MRPL55: variants seen among roughly 807,000 people sequenced by gnomAD.
The protein encoded by MRPL55 is mitochondrial ribosomal protein L55.
A neutral mutation model predicts 10.6 loss-of-function variants in MRPL55; 7 were observed. The observed-to-expected ratio is 0.66, with a 90% CI of 0.38 to 1.24. The LOEUF (loss-of-function observed/expected upper bound fraction) is 1.24, where lower values mean the gene tolerates loss of function less well. Among genes scored for constraint, MRPL55 ranks in the 50% most tolerant of loss-of-function variants. MRPL55 has a pLI of 0.02. For synonymous variants in MRPL55, 57 were observed against 71.8 expected (o/e 0.79, Z 1.04); for missense variants, 148 against 180.3 (o/e 0.82, Z 1.03).
chr1:228,107,625 A>AC, intron 4 of MRPL55, 43 bp downstream of exon 4: 1 of 1,595,490 alleles, frequency 6.3e-7, no homozygotes, highest in Non-Finnish European at 8.6e-7. Flanking sequence ...CACAGCCTCG[A>AC]CCCCAGCCCG....
At chr1:228,108,355 G>T (rs2033422604) in intron 2 of MRPL55, 37 bp from the exon 3 acceptor site, 2 of 1,359,222 alleles carry the variant, frequency 1.5e-6, no homozygotes, top group African/African-American at 1.5e-5. Flanking sequence ...TTTTTAAAAG[G>T]AAGGTTCTTC....
intron 4 of MRPL55, among the ~76,000 whole-genome samples, chr1:228,107,445 A>G (rs1324048623): frequency 2.6e-5 from 4 of 152,208 alleles, no homozygotes; most frequent in Admixed American, 2.0e-4. Context: ...TTTAAAAAAT[A>G]AAAACACACT....
At chr1:228,107,529 C>T (rs2033267366) in intron 4 of MRPL55, 139 bp downstream of exon 4, 2 of 797,382 alleles carry the variant, frequency 2.5e-6, no homozygotes, top group South Asian at 3.1e-5. Context: ...CCTCCAACAA[C>T]CACCTGCTCC....
chr1:228,107,553 A>C (rs1440562881), intron 4 of MRPL55, 115 bp downstream of exon 4: 1 of 946,810 alleles, frequency 1.1e-6, no homozygotes, highest in East Asian at 2.6e-5. Flanking sequence ...GACTCCTGTC[A>C]TGTGGTACAG....
chr1:228,107,399 G>A (rs902767034), intron 4 of MRPL55, among the ~76,000 whole-genome samples: 4 of 152,198 alleles, frequency 2.6e-5, no homozygotes, highest in African/African-American at 9.7e-5. Flanking sequence ...ACTCCAGCCT[G>A]GTTGACAGAG....
At position 228,108,287 on chromosome 1, in the gene MRPL55, G is replaced by A. The variant is rs376669706; in HGVS notation, c.-27C>T. 14 of 1,608,690 alleles carry A rather than the reference G, an allele frequency of 8.7e-6. No individual in the cohort carries two copies. In the African/African-American group the frequency reaches 1.9e-4, roughly 21 times the overall value. On this transcript the variant is annotated 5_prime_UTR_variant, in exon 3 of 5. Coordinates refer to ENST00000336520, the MANE Select transcript of MRPL55 (RefSeq NM_181463.3). ...CCTCCTTACAGCCCCAGTGGCACGT[G>A]GAGGTGGTCAGTACAGGCCCTGGCG...
rs2033326260 is a variant in MRPL55, at chr1:228,107,806, G to C, written c.90C>G (p.Ser30=). The C allele has an allele frequency of 6.2e-7, 1 of 1,613,158 alleles. No individual in the cohort carries two copies. The highest frequency in any genetic ancestry group is 1.1e-5 in the South Asian group (1 of 91,092). Reference sequence around the variant, plus strand: ...AGGCCCTGCTGCTGTCAGCTCGCCAGGAGGATGTGTGCAGGCGGCGGAGTG... The same window carrying C: ...AGGCCCTGCTGCTGTCAGCTCGCCACGAGGATGTGTGCAGGCGGCGGAGTG... ...GPALRRLHTS[S]WRADSSRASL... Residue 30 remains serine (S), a synonymous_variant, in exon 4 of 5, where the codon TCC becomes TCG. Coordinates refer to ENST00000336520, the MANE Select transcript of MRPL55 (RefSeq NM_181463.3).
intron 4 of MRPL55, among the ~76,000 whole-genome samples, chr1:228,107,244 C>A (rs187860837): frequency 3.9e-5 from 6 of 152,156 alleles, no homozygotes; most frequent in Admixed American, 1.3e-4. Context: ...CACAGAGAGA[C>A]CCCATCTCTA....
chr1:228,108,240 C>T lies in MRPL55; in HGVS notation c.21G>A (p.Leu7=), dbSNP rs763343529. 3.7e-6 allele frequency: 6 copies of T among 1,611,162 alleles called. No homozygotes were observed. The Admixed American group carries it at 1.0e-4, about 27-fold the overall frequency. ...ACCTAAAAGTCCATGCTTACCCAAG[C>T]AGGCTGCCCACGGCCGCCATTCCTC... is the stretch of plus-strand genomic sequence containing the variant. MAAVGS[L]LGRLRQSTVK... The change falls in exon 3 of 5, where the codon CTG becomes CTA. Residue 7 remains leucine (L), a synonymous_variant. Transcript: ENST00000336520.
At chr1:228,108,054 C>T (rs528209948) in intron 3 of MRPL55, 181 bp downstream of exon 3, 7 of 1,542,840 alleles carry the variant, frequency 4.5e-6, no homozygotes, top group East Asian at 4.9e-5. Context: ...CAGAGGCGTT[C>T]TGGCCCCCTA....
chr1:228,108,438 AACCTCT>A, intron 2 of MRPL55, 120 bp from the exon 3 acceptor site: 1 of 661,410 alleles, frequency 1.5e-6, no homozygotes, highest in Non-Finnish European at 2.6e-6. Flanking sequence ...GCCACTCACC[AACCTCT>A]CCCAGCAACC....
chr1:228,106,804 G>C lies in MRPL55; in HGVS notation c.343C>G (p.His115Asp), dbSNP rs780899308. The change falls in exon 5 of 5, where the codon CAT becomes GAT. Residue 115 changes from histidine (H) to aspartate (D), a missense_variant. His to Asp is a moderately conservative substitution (Grantham distance 81, BLOSUM62 -1). Transcript: ENST00000336520. ...EYEQELSDDL[H>D]VERYRQFWTR... ...CAGAACTGTCGGTAGCGCTCCACATGCAAGTCATCACTGAGCTCCTGCTCG... is the reference window on the plus strand; with the variant it reads ...CAGAACTGTCGGTAGCGCTCCACATCCAAGTCATCACTGAGCTCCTGCTCG... 18 of 1,614,028 alleles carry C rather than the reference G, an allele frequency of 1.1e-5. No homozygotes were observed. Among genetic ancestry groups the C allele is most frequent in the Non-Finnish European group, 1.4e-5 (17 of 1,179,986 alleles).
intron 3 of MRPL55, 156 bp downstream of exon 3, chr1:228,108,079 G>A (rs1340119727): frequency 1.9e-5 from 29 of 1,536,098 alleles, no homozygotes; most frequent in Non-Finnish European, 5.3e-6. Context: ...GGAAGAGGCT[G>A]CCAGGCTGAG....
At chr1:228,108,667 T>C in intron 2 of MRPL55, 1 of 216,716 alleles carries the variant, frequency 4.6e-6, no homozygotes, top group Non-Finnish European at 9.3e-6. Context: ...TAATAAAAAC[T>C]CAGTGAAGTG....
At chr1:228,108,083 G>A in intron 3 of MRPL55, 152 bp downstream of exon 3, 1 of 1,535,700 alleles carries the variant, frequency 6.5e-7, no homozygotes, top group South Asian at 1.2e-5. Flanking sequence ...GAGGCTGCCA[G>A]GCTGAGCAAG....
At chr1:228,108,663 AAACTC>A in intron 2 of MRPL55, 2 of 218,006 alleles carry the variant, frequency 9.2e-6, no homozygotes, top group Non-Finnish European at 1.9e-5. Context: ...GTTTTAATAA[AAACTC>A]AGTGAAGTGA....
Position 228,107,547 on chromosome 1 carries a change from C to T in MRPL55, c.228+121G>A, listed in dbSNP as rs79543795. 1.2e-3 allele frequency: 1,126 copies of T among 908,378 alleles called. 7 individuals carry two copies. The African/African-American group carries it at 0.016, about 13-fold the overall frequency. The allele number at this position is 908,378 out of a possible 1,614,324, so 56.3% of individuals were successfully genotyped here. The stretch of plus-strand genomic sequence containing the variant: ...CCAACAACCACCTGCTCCCCTGACT[C>T]CTGTCATGTGGTACAGTGACCACAG... On this transcript the variant is annotated intron_variant, in intron 4 of 4. Coordinates refer to ENST00000336520, the MANE Select transcript of MRPL55 (RefSeq NM_181463.3).
In MRPL55 at chr1:228,108,235, CCAAG is replaced by C; in HGVS notation, c.22_25del (p.Leu8AlafsTer3). The C allele has an allele frequency of 6.2e-7, 1 of 1,611,020 alleles. No individual in the cohort carries two copies. The highest frequency in any genetic ancestry group is 8.5e-7 in the Non-Finnish European group (1 of 1,179,008). On this transcript the variant is annotated frameshift_variant and splice_region_variant, in exon 3 of 5. Transcript: ENST00000336520. LOFTEE classifies it high-confidence loss of function. ...CAGGGACCTAAAAGTCCATGCTTAC[CCAAG>C]CAGGCTGCCCACGGCCGCCATTCCT...
At position 228,108,607 on chromosome 1, in the gene MRPL55, C is replaced by T. The variant is rs544759966; in HGVS notation, c.-58-289G>A. The T allele has an allele frequency of 5.8e-4, 192 of 331,822 alleles. 3 individuals carry two copies. The South Asian group carries it at 0.012, about 20-fold the overall frequency. The allele number at this position is 331,822 out of a possible 1,614,324, so 20.6% of individuals were successfully genotyped here. ...AACCTCTCTGAATGGACTGCAGCCT[C>T]AAAAGTGGAGCTGAGGTCATGCCTT... is the stretch of plus-strand genomic sequence containing the variant. On this transcript the variant is annotated intron_variant, in intron 2 of 4. Transcript: ENST00000336520.
Sources: allele counts gnomAD v4.1 joint callset (sites outside exome capture counted in the v4.1 genomes callset), GRCh38; gene constraint gnomAD v4.1.1; transcripts MANE v1.5; gene names NCBI Gene and HGNC (gene_info 2026-07-23, HGNC 2026-07-21).